ADGRL3: variants seen among roughly 807,000 people sequenced by gnomAD.
ADGRL3 encodes the protein adhesion G protein-coupled receptor L3.
Under a neutral mutation model 153.5 loss-of-function variants are expected in ADGRL3, and 62 were observed. The observed-to-expected ratio is 0.40, with a 90% CI of 0.33 to 0.50. The LOEUF (loss-of-function observed/expected upper bound fraction) is 0.50. Ranked by LOEUF, ADGRL3 falls within the 20% of genes least tolerant of loss-of-function variation. ADGRL3 has a pLI of 0.47. For missense variants in ADGRL3, 1,641 were observed against 1,859.4 expected (o/e 0.88, Z 2.16); for synonymous variants, 710 against 672.5 (o/e 1.06, Z -0.86).
chr4:61,948,207 G>A lies in ADGRL3; in HGVS notation c.2736G>A (p.Lys912=). 6.2e-7 allele frequency: 1 copy of A among 1,613,826 alleles called. No individual in the cohort carries two copies. The highest frequency in any genetic ancestry group is 2.2e-5 in the East Asian group (1 of 44,854). The change falls in exon 17 of 27, where the codon AAG becomes AAA. Residue 912 remains lysine (K), a synonymous_variant. Transcript: ENST00000683033. The stretch of plus-strand genomic sequence containing the variant: ...GCTGTCGGCTCCTGACAACAAATAA[G>A]ACACATACTACATGCTCTTGTAACC... ...TQGCRLLTTN[K]THTTCSCNHL... is the part of the protein sequence containing the mutation.
Position 62,031,434 on chromosome 4 carries a change from C to T in ADGRL3, c.3423-8C>T, listed in dbSNP as rs1245804660. 8 of 1,597,076 alleles carry T rather than the reference C, an allele frequency of 5.0e-6. No homozygotes were observed. Among genetic ancestry groups the T allele is most frequent in the Non-Finnish European group, 5.1e-6 (6 of 1,170,562 alleles). On this transcript the variant is annotated splice_region_variant and splice_polypyrimidine_tract_variant and intron_variant, in intron 22 of 26. Coordinates refer to ENST00000683033, the MANE Select transcript of ADGRL3 (RefSeq NM_001387552.1). ...TTAATAACCCTTAATTTTCTCTTCT[C>T]TCTACAGGTCATGGGTTATAGGTGC...
chr4:61,355,184 G>C (rs2096139706), intron 1 of ADGRL3, among the ~76,000 whole-genome samples: 1 of 152,040 alleles, frequency 6.6e-6, no homozygotes, highest in African/African-American at 2.4e-5. Flanking sequence ...GATGTACTCT[G>C]TTTGCTGTAT....
intron 9 of ADGRL3, among the ~76,000 whole-genome samples, chr4:61,822,072 T>C (rs1330183320): frequency 1.3e-5 from 2 of 152,232 alleles, no homozygotes; most frequent in Non-Finnish European, 1.5e-5. Context: ...TTCTAACTTA[T>C]CTGATTAGCA....
At chr4:61,413,183 C>T (rs2097107179) in intron 2 of ADGRL3, among the ~76,000 whole-genome samples, 1 of 152,114 alleles carries the variant, frequency 6.6e-6, no homozygotes, top group African/African-American at 2.4e-5. Flanking sequence ...TGGATGTGCT[C>T]AGGAGGTTAG....
chr4:61,599,871 C>T (rs1354113303), intron 5 of ADGRL3, among the ~76,000 whole-genome samples: 1 of 152,106 alleles, frequency 6.6e-6, no homozygotes, highest in Non-Finnish European at 1.5e-5. Context: ...ACAGCTTTTA[C>T]TCCAAGTTTA....
intron 2 of ADGRL3, among the ~76,000 whole-genome samples, chr4:61,448,894 G>GGAGAGAGGGAAGGAAGGAAGGAAGAAGA (rs2097637754): frequency 7.0e-6 from 1 of 142,004 alleles, no homozygotes; most frequent in Non-Finnish European, 1.5e-5. Flanking sequence ...AAGGAAGAAG[G>GGAGAGAGGGAAGGAAGGAAGGAAGAAGA]GAGGGAGGGA....
intron 5 of ADGRL3, among the ~76,000 whole-genome samples, chr4:61,670,343 T>C (rs999620316): frequency 2.9e-4 from 44 of 152,272 alleles, no homozygotes; most frequent in Middle Eastern, 3.4e-3. Flanking sequence ...TCTATAGTGC[T>C]GTGCAATCAA....
chr4:62,036,765 C>T (rs1018723884), intron 23 of ADGRL3, among the ~76,000 whole-genome samples: 1 of 151,950 alleles, frequency 6.6e-6, no homozygotes, highest in Admixed American at 6.6e-5. Context: ...AGTTTATATA[C>T]ATGATGTTGT....
At chr4:62,010,256 C>T (rs146484129) in intron 21 of ADGRL3, among the ~76,000 whole-genome samples, 43 of 152,142 alleles carry the variant, frequency 2.8e-4, no homozygotes, top group African/African-American at 9.2e-4. Context: ...GGTCCTTCTG[C>T]GAACGAGGCC....
intron 1 of ADGRL3, among the ~76,000 whole-genome samples, chr4:61,239,295 T>C (rs1453345104): frequency 6.6e-6 from 1 of 152,124 alleles, no homozygotes; most frequent in Non-Finnish European, 1.5e-5. Context: ...TGATATTTTA[T>C]AGAGATGCTA....
chr4:61,901,099 C>A (rs958452766), intron 11 of ADGRL3, among the ~76,000 whole-genome samples: 3 of 152,082 alleles, frequency 2.0e-5, no homozygotes, highest in Non-Finnish European at 2.9e-5. Context: ...TGTATAGCTT[C>A]TTTATTATTT....
chr4:61,852,597 G>A (rs1218483985), intron 9 of ADGRL3, among the ~76,000 whole-genome samples: 1 of 152,166 alleles, frequency 6.6e-6, no homozygotes, highest in Admixed American at 6.5e-5. Context: ...TTACAGGTGT[G>A]AGCCATAGCT....
At chr4:61,701,682 C>G (rs1368200476) in intron 6 of ADGRL3, among the ~76,000 whole-genome samples, 3 of 151,936 alleles carry the variant, frequency 2.0e-5, no homozygotes, top group Admixed American at 6.6e-5. Flanking sequence ...GGTGATACAC[C>G]TGCCTCATCC....
intron 3 of ADGRL3, among the ~76,000 whole-genome samples, chr4:61,502,732 C>T (rs2098400372): frequency 6.6e-6 from 1 of 152,016 alleles, no homozygotes; most frequent in African/African-American, 2.4e-5. Flanking sequence ...TATTTTGTAA[C>T]TTCAAAGATA....
rs1554009826 is a variant in ADGRL3, at chr4:61,711,458, T to TTATGTATATATA, written c.584-19161_584-19160insGTATATATATAT. ...ATACTATCTTAAAACATATGCTTCATTATATATATATATATATATATATAT... is the reference window on the plus strand; with the variant it reads ...ATACTATCTTAAAACATATGCTTCATTATGTATATATATATATATATATATATATATATATAT... On this transcript the variant is annotated intron_variant, in intron 6 of 26. Coordinates refer to ENST00000683033, the MANE Select transcript of ADGRL3 (RefSeq NM_001387552.1). Among the ~76,000 whole-genome samples, 52 of 34,662 alleles carry TTATGTATATATA rather than the reference T, an allele frequency of 1.5e-3. 1 individual carries two copies. The East Asian group carries it at 0.093, about 62-fold the overall frequency. 22.7% of individuals were successfully genotyped at this position (34,662 alleles called of 152,430 possible).
rs555641749 is a variant in ADGRL3 at position 61,356,166 on chromosome 4, T to A, written c.-239-26958T>A. ...TCTTTCTTCCTAAAACAGAAGAACATAAAATCTTTTGCCACTACTTACTCA... is the reference window on the plus strand; with the variant it reads ...TCTTTCTTCCTAAAACAGAAGAACAAAAAATCTTTTGCCACTACTTACTCA... On this transcript the variant is annotated intron_variant, in intron 1 of 26. Transcript: ENST00000683033. Among the ~76,000 whole-genome samples the A allele has an allele frequency of 3.3e-5, 5 of 152,118 alleles. No homozygotes were observed. In the South Asian group the frequency reaches 1.0e-3, roughly 32 times the overall value.
At chr4:61,228,987 T>G (rs1749261840) in intron 1 of ADGRL3, among the ~76,000 whole-genome samples, 1 of 152,180 alleles carries the variant, frequency 6.6e-6, no homozygotes, top group Non-Finnish European at 1.5e-5. Flanking sequence ...CCACCACACC[T>G]GGCCTCTTAT....
At chr4:61,603,728 G>A (rs988270575) in intron 5 of ADGRL3, among the ~76,000 whole-genome samples, 1 of 151,426 alleles carries the variant, frequency 6.6e-6, no homozygotes, top group Non-Finnish European at 1.5e-5. Flanking sequence ...GTGTGTGTGT[G>A]TGTTTGTTTG....
rs373807611 is a variant in ADGRL3, at chr4:61,588,112, T to C, written c.473+672T>C. Among the ~76,000 whole-genome samples the C allele has an allele frequency of 2.6e-5, 4 of 151,844 alleles. No homozygotes were observed. The East Asian group carries it at 5.8e-4, about 22-fold the overall frequency. On this transcript the variant is annotated intron_variant, in intron 5 of 26. Coordinates refer to ENST00000683033, the MANE Select transcript of ADGRL3 (RefSeq NM_001387552.1). ...AAGGTTTAAATTATGTTAAAATGTC[T>C]TGATAAGTTAGCTAAGTATTATATA...
Sources: allele counts gnomAD v4.1 joint callset (sites outside exome capture counted in the v4.1 genomes callset), GRCh38; gene constraint gnomAD v4.1.1; transcripts MANE v1.5; gene names NCBI Gene and HGNC (gene_info 2026-07-23, HGNC 2026-07-21).